The following ZDHHC3 variants were observed in gnomAD, a reference collection of about 807,000 sequenced individuals.
ZDHHC3 encodes the protein palmitoyltransferase ZDHHC3.
ZDHHC3 carries 9 observed loss-of-function variants against 30.6 expected under a neutral mutation model. That is an observed-to-expected ratio of 0.29 (90% CI 0.18 to 0.51). The LOEUF (loss-of-function observed/expected upper bound fraction) is 0.51, where lower values mean the gene tolerates loss of function less well. ZDHHC3 is among the 20% of genes least tolerant of loss of function. The probability of loss-of-function intolerance (pLI) is 0.97; values close to 1 mark genes in which losing one functional copy is unlikely to be tolerated. For missense variants in ZDHHC3, 246 were observed against 384.2 expected (o/e 0.64, Z 3.01); for synonymous variants, 136 against 140.2 (o/e 0.97, Z 0.21).
At chr3:44,943,476 G>A (rs983485445) in intron 3 of ZDHHC3, among the ~76,000 whole-genome samples, 12 of 152,118 alleles carry the variant, frequency 7.9e-5, no homozygotes, top group African/African-American at 2.9e-4. Context: ...AGCTGACTCC[G>A]GAATCTGAGT....
In ZDHHC3 at chr3:44,924,479, T is replaced by C. The variant is rs1014158636; in HGVS notation, c.*2210A>G. On this transcript the variant is annotated 3_prime_UTR_variant, in exon 7 of 7. Coordinates refer to ENST00000424952, the MANE Select transcript of ZDHHC3 (RefSeq NM_001135179.2). ...ATACAAAACCAGAGGCAGAATCCTATAGGATATCTGAAGGAACCCCACTCT... is the reference window on the plus strand; with the variant it reads ...ATACAAAACCAGAGGCAGAATCCTACAGGATATCTGAAGGAACCCCACTCT... 2.0e-6 allele frequency: 2 copies of C among 985,404 alleles called. No homozygotes were observed. Among genetic ancestry groups the C allele is most frequent in the African/African-American group, 1.7e-5 (1 of 57,346 alleles). 61.0% of individuals were successfully genotyped at this position (985,404 alleles called of 1,614,324 possible).
In ZDHHC3 at chr3:44,915,821, A is replaced by T. The variant is rs568631862; in HGVS notation, c.*10868T>A. On this transcript the variant is annotated 3_prime_UTR_variant, in exon 7 of 7. Transcript: ENST00000424952. Reference sequence around the variant, plus strand: ...CATGTCAGCAAACAGTGACCAGCAAATCCTCTTCCCTTATTCTAACTGCTG... The same window carrying T: ...CATGTCAGCAAACAGTGACCAGCAATTCCTCTTCCCTTATTCTAACTGCTG... The T allele has an allele frequency of 6.6e-6, 1 of 152,310 alleles. No individual in the cohort carries two copies. The highest frequency in any genetic ancestry group is 2.1e-4 in the South Asian group (1 of 4,828). 9.4% of individuals were successfully genotyped at this position (152,310 alleles called of 1,614,324 possible). A position where few individuals can be genotyped will look rare whatever the true frequency, so the allele number is the denominator to read the frequency against.
At position 44,922,676 on chromosome 3, in the gene ZDHHC3, C is replaced by T. The variant is rs981005603; in HGVS notation, c.*4013G>A. 2.0e-6 allele frequency: 2 copies of T among 985,268 alleles called. No individual in the cohort carries two copies. Among genetic ancestry groups the T allele is most frequent in the Non-Finnish European group, 2.4e-6 (2 of 829,932 alleles). The allele number at this position is 985,268 out of a possible 1,614,324, so 61.0% of individuals were successfully genotyped here. A position where few individuals can be genotyped will look rare whatever the true frequency, so the allele number is the denominator to read the frequency against. ...CTCCTGCTAGCCCCAACTGGATTCT[C>T]AAACTTGATAGTCAGAATCACCTGG... On this transcript the variant is annotated 3_prime_UTR_variant, in exon 7 of 7. Transcript: ENST00000424952.
chr3:44,961,554 C>T (rs575369861), intron 1 of ZDHHC3, among the ~76,000 whole-genome samples: 49 of 152,334 alleles, frequency 3.2e-4, no homozygotes, highest in Middle Eastern at 3.4e-3. Context: ...TGCAGGCCCA[C>T]CTTCTGAAGC....
rs1051956377 is a variant in ZDHHC3, at chr3:44,918,381, C to T, written c.*8308G>A. ...GTGGAGGAACACAGCAAGCAGGGCCCGCCTGGTGGACTGACGTGTTCTCCA... is the reference window on the plus strand; with the variant it reads ...GTGGAGGAACACAGCAAGCAGGGCCTGCCTGGTGGACTGACGTGTTCTCCA... On this transcript the variant is annotated 3_prime_UTR_variant, in exon 7 of 7. Coordinates refer to ENST00000424952, the MANE Select transcript of ZDHHC3 (RefSeq NM_001135179.2). 18 of 985,222 alleles carry T rather than the reference C, an allele frequency of 1.8e-5. No homozygotes were observed. Among genetic ancestry groups the T allele is most frequent in the African/African-American group, 1.2e-4 (7 of 57,214 alleles). 61.0% of individuals were successfully genotyped at this position (985,222 alleles called of 1,614,324 possible). A position where few individuals can be genotyped will look rare whatever the true frequency, so the allele number is the denominator to read the frequency against.
intron 5 of ZDHHC3, 99 bp from the exon 6 acceptor site, chr3:44,929,535 G>T: frequency 1.3e-6 from 2 of 1,505,420 alleles, no homozygotes; most frequent in Non-Finnish European, 9.0e-7. Flanking sequence ...CCTGCTTGCA[G>T]GCCTTCATTC....
chr3:44,924,212 T>G lies in ZDHHC3; in HGVS notation c.*2477A>C, dbSNP rs1034233409. 1.1e-5 allele frequency: 11 copies of G among 985,316 alleles called. No homozygotes were observed. In the African/African-American group the frequency reaches 1.7e-4, roughly 16 times the overall value. 61.0% of individuals were successfully genotyped at this position (985,316 alleles called of 1,614,324 possible). ...TAGAAAGATGTCCTCTTTCATTACA[T>G]CCGGAAATACTGAGGAGAGCTCAGG... On this transcript the variant is annotated 3_prime_UTR_variant, in exon 7 of 7. Transcript: ENST00000424952.
chr3:44,965,869 T>C (rs1209608535), intron 1 of ZDHHC3, among the ~76,000 whole-genome samples: 2 of 152,222 alleles, frequency 1.3e-5, no homozygotes, highest in Non-Finnish European at 1.5e-5. Context: ...ACCAAATCTT[T>C]GGAAGCACCT....
intron 2 of ZDHHC3, among the ~76,000 whole-genome samples, chr3:44,947,890 A>C (rs1470312651): frequency 6.6e-6 from 1 of 152,222 alleles, no homozygotes; most frequent in Non-Finnish European, 1.5e-5. Flanking sequence ...GGGTGAAAGA[A>C]GTAGTGACAA....
At position 44,926,635 on chromosome 3, in the gene ZDHHC3, C is replaced by T. The variant is rs1262450065; in HGVS notation, c.*54G>A. On this transcript the variant is annotated 3_prime_UTR_variant, in exon 7 of 7. Transcript: ENST00000424952. The stretch of plus-strand genomic sequence containing the variant: ...TAAACATTCATGAGAACGGATGGGA[C>T]GGTAGTGCTGTGGTGTGGACTTGTG... 6.1e-6 allele frequency: 9 copies of T among 1,484,370 alleles called. No individual in the cohort carries two copies. Among genetic ancestry groups the T allele is most frequent in the Non-Finnish European group, 6.3e-6 (7 of 1,117,796 alleles). The allele number at this position is 1,484,370 out of a possible 1,614,324, so 91.9% of individuals were successfully genotyped here.
intron 2 of ZDHHC3, among the ~76,000 whole-genome samples, chr3:44,954,994 T>A (rs1703804209): frequency 6.6e-6 from 1 of 152,216 alleles, no homozygotes; most frequent in Non-Finnish European, 1.5e-5. Flanking sequence ...TCTAGACTTA[T>A]AAACGTCTAA....
Position 44,959,553 on chromosome 3 carries a change from T to A in ZDHHC3, c.-24-93A>T. ...GCTCCCATAGTGAGTTGTGATTACTTATCTGCAACCCCTGTGTGCAAAGCC... is the reference window on the plus strand; with the variant it reads ...GCTCCCATAGTGAGTTGTGATTACTAATCTGCAACCCCTGTGTGCAAAGCC... On this transcript the variant is annotated intron_variant, in intron 1 of 6. Coordinates refer to ENST00000424952, the MANE Select transcript of ZDHHC3 (RefSeq NM_001135179.2). The surrounding 1 kb of genome is among the most constrained non-coding windows in gnomAD (Gnocchi z 4.3). The A allele has an allele frequency of 9.5e-7, 1 of 1,051,598 alleles. No individual in the cohort carries two copies. Among genetic ancestry groups the A allele is most frequent in the Non-Finnish European group, 1.4e-6 (1 of 723,434 alleles). 65.1% of individuals were successfully genotyped at this position (1,051,598 alleles called of 1,614,324 possible). A position where few individuals can be genotyped will look rare whatever the true frequency, so the allele number is the denominator to read the frequency against.
At chr3:44,955,530 T>C (rs983160854) in intron 2 of ZDHHC3, among the ~76,000 whole-genome samples, 1 of 150,976 alleles carries the variant, frequency 6.6e-6, no homozygotes, top group Non-Finnish European at 1.5e-5. Context: ...TGATACACAA[T>C]GCATACATTG....
At chr3:44,931,887 T>C (rs991561284) in intron 5 of ZDHHC3, among the ~76,000 whole-genome samples, 3 of 152,190 alleles carry the variant, frequency 2.0e-5, no homozygotes, top group Non-Finnish European at 2.9e-5. Context: ...CTTGCAGGCT[T>C]GTTATAAGGG....
intron 2 of ZDHHC3, among the ~76,000 whole-genome samples, chr3:44,953,862 AAT>A (rs1393423944): frequency 6.6e-6 from 1 of 152,202 alleles, no homozygotes; most frequent in Non-Finnish European, 1.5e-5. Context: ...TGATGCAGTG[AAT>A]GTGCCAATAC....
intron 1 of ZDHHC3, among the ~76,000 whole-genome samples, chr3:44,964,916 T>G (rs1260790027): frequency 6.6e-6 from 1 of 152,168 alleles, no homozygotes; most frequent in Non-Finnish European, 1.5e-5. Context: ...AATTATTATT[T>G]TCACCTGATA....
At chr3:44,933,470 G>A (rs1342502697) in intron 4 of ZDHHC3, 1 of 571,740 alleles carries the variant, frequency 1.7e-6, no homozygotes, top group Non-Finnish European at 3.1e-6. Flanking sequence ...GGCAGTATGA[G>A]CTGCCTGGGC....
intron 5 of ZDHHC3, among the ~76,000 whole-genome samples, chr3:44,932,218 G>A (rs1349678871): frequency 6.6e-6 from 1 of 152,104 alleles, no homozygotes; most frequent in African/African-American, 2.4e-5. Context: ...GACTCACCTA[G>A]ATATGCAGAA....
rs1356131002 is a variant in ZDHHC3 at position 44,920,601 on chromosome 3, T to G, written c.*6088A>C. On this transcript the variant is annotated 3_prime_UTR_variant, in exon 7 of 7. Coordinates refer to ENST00000424952, the MANE Select transcript of ZDHHC3 (RefSeq NM_001135179.2). Reference sequence around the variant, plus strand: ...CATCTAGCTTGTTATGTATCAGAACTGGAACCAGAACTAGTGTCTTTTTTT... The same window carrying G: ...CATCTAGCTTGTTATGTATCAGAACGGGAACCAGAACTAGTGTCTTTTTTT... The G allele has an allele frequency of 3.0e-6, 3 of 985,332 alleles. No individual in the cohort carries two copies. The highest frequency in any genetic ancestry group is 3.6e-6 in the Non-Finnish European group (3 of 829,932). 61.0% of individuals were successfully genotyped at this position (985,332 alleles called of 1,614,324 possible). A position where few individuals can be genotyped will look rare whatever the true frequency, so the allele number is the denominator to read the frequency against.
Sources: allele counts gnomAD v4.1 joint callset (sites outside exome capture counted in the v4.1 genomes callset), GRCh38; gene constraint gnomAD v4.1.1; non-coding constraint Gnocchi (gnomAD v3.1); transcripts MANE v1.5; gene names NCBI Gene and HGNC (gene_info 2026-07-23, HGNC 2026-07-21).